PTPN9: variants seen among roughly 807,000 people sequenced by gnomAD.
PTPN9 encodes tyrosine-protein phosphatase non-receptor type 9.
In PTPN9, 26 loss-of-function variants were observed where a neutral mutation model predicts 69.8. The observed-to-expected ratio is 0.37, with a 90% CI of 0.27 to 0.52. The LOEUF (loss-of-function observed/expected upper bound fraction) is 0.52, where lower values mean the gene tolerates loss of function less well. PTPN9 is among the 20% of genes least tolerant of loss of function. PTPN9 has a pLI of 0.91. For synonymous variants in PTPN9, 274 were observed against 272.5 expected, an observed-to-expected ratio of 1.01 and a Z score of -0.05; for missense variants, 549 against 740.3, an observed-to-expected ratio of 0.74 and a Z score of 3.00.
intron 1 of PTPN9, among the ~76,000 whole-genome samples, chr15:75,567,991 G>T (rs892735595): frequency 3.6e-5 from 5 of 137,960 alleles, no homozygotes; most frequent in Non-Finnish European, 7.9e-5. Flanking sequence ...GCGAGACTCC[G>T]TCTCAAAAAA....
intron 1 of PTPN9, among the ~76,000 whole-genome samples, chr15:75,566,808 T>C (rs2141343634): frequency 6.6e-6 from 1 of 151,966 alleles, no homozygotes; most frequent in South Asian, 2.1e-4. Context: ...GGCAACATAG[T>C]GAGGTCCTAT....
intron 1 of PTPN9, among the ~76,000 whole-genome samples, chr15:75,532,016 A>G (rs2074966215): frequency 1.3e-5 from 2 of 152,166 alleles, no homozygotes; most frequent in Non-Finnish European, 1.5e-5. Context: ...AAAATAATCA[A>G]CGGATAAATC....
At chr15:75,541,347 C>CGCTGGGAT (rs1000043610) in intron 1 of PTPN9, among the ~76,000 whole-genome samples, 11 of 151,442 alleles carry the variant, frequency 7.3e-5, no homozygotes, top group South Asian at 2.1e-4. Flanking sequence ...CCTACTGAAG[C>CGCTGGGAT]GCTGGGATTA....
chr15:75,534,495 G>A (rs539134410), intron 1 of PTPN9, among the ~76,000 whole-genome samples: 2 of 152,090 alleles, frequency 1.3e-5, no homozygotes, highest in South Asian at 4.2e-4. Flanking sequence ...GCAACATGGT[G>A]AGACCCCATC....
intron 5 of PTPN9, chr15:75,513,021 G>A: frequency 2.5e-6 from 1 of 402,578 alleles, no homozygotes; most frequent in South Asian, 1.9e-5. Context: ...TTGAGGAAAG[G>A]TTTGGGATTG....
chr15:75,506,888 G>A (rs2074822518), intron 6 of PTPN9, among the ~76,000 whole-genome samples: 1 of 151,746 alleles, frequency 6.6e-6, no homozygotes, highest in Non-Finnish European at 1.5e-5. Flanking sequence ...CCTCTTCTGT[G>A]AAGTCTTTCC....
chr15:75,486,163 T>C (rs1417057160), intron 8 of PTPN9, among the ~76,000 whole-genome samples: 2 of 142,174 alleles, frequency 1.4e-5, no homozygotes, highest in African/African-American at 5.3e-5. Context: ...TGGGGGAAAA[T>C]TGGAATAGCA....
intron 1 of PTPN9, among the ~76,000 whole-genome samples, chr15:75,561,277 T>A (rs1335443501): frequency 2.6e-5 from 4 of 151,718 alleles, no homozygotes; most frequent in Admixed American, 2.6e-4. Flanking sequence ...ATCACACCAC[T>A]GTGCTCCAGC....
At chr15:75,552,794 C>T (rs113081652) in intron 1 of PTPN9, among the ~76,000 whole-genome samples, 2,770 of 147,236 alleles carry the variant, frequency 0.019, 93 homozygotes, top group African/African-American at 0.066. Context: ...AGAGAGTCAC[C>T]GGCAAACTAG....
chr15:75,558,956 C>A (rs1402387433), intron 1 of PTPN9, among the ~76,000 whole-genome samples: 1 of 152,222 alleles, frequency 6.6e-6, no homozygotes, highest in East Asian at 1.9e-4. Context: ...GCCACCCCGT[C>A]TGGGAAGTGA....
In PTPN9 at chr15:75,464,278, CTA is replaced by C. The variant is rs1491574922; in HGVS notation, c.*4489_*4490del. 1 of 150,358 alleles carries C rather than the reference CTA, an allele frequency of 6.7e-6. No homozygotes were observed. Among genetic ancestry groups the C allele is most frequent in the Non-Finnish European group, 1.5e-5 (1 of 68,156 alleles). The allele number at this position is 150,358 out of a possible 1,614,324, so 9.3% of individuals were successfully genotyped here. A position where few individuals can be genotyped will look rare whatever the true frequency, so the allele number is the denominator to read the frequency against. On this transcript the variant is annotated 3_prime_UTR_variant, in exon 13 of 13. Transcript: ENST00000618819. ...TGGGCAACATAGTGAGATCCTGTCT[CTA>C]GAGAGAGAGAGAGAAAAAAAAAAAA...
rs1460917066 is a variant in PTPN9 at position 75,481,833 on chromosome 15, G to A, written c.1063-1919C>T. On this transcript the variant is annotated intron_variant, in intron 8 of 12. Transcript: ENST00000618819. ...GCCGCCCCGTCCGGGAGGGAGGTGGGGGGGGGTCAGCGCCCCTGCCTGGCC... is the reference window on the plus strand; with the variant it reads ...GCCGCCCCGTCCGGGAGGGAGGTGGAGGGGGGTCAGCGCCCCTGCCTGGCC... Among the ~76,000 whole-genome samples, 8 of 131,978 alleles carry A rather than the reference G, an allele frequency of 6.1e-5. 1 individual carries two copies. The Admixed American group carries it at 6.1e-4, about 10-fold the overall frequency. 86.6% of individuals were successfully genotyped at this position (131,978 alleles called of 152,430 possible).
In PTPN9 at chr15:75,469,927, C is replaced by T; in HGVS notation, c.1432G>A (p.Ala478Thr). 5.6e-6 allele frequency: 9 copies of T among 1,614,212 alleles called. No individual in the cohort carries two copies. Among genetic ancestry groups the T allele is most frequent in the Non-Finnish European group, 7.6e-6 (9 of 1,180,014 alleles). The change falls in exon 12 of 13, where the codon GCT (alanine) becomes ACT (threonine). Residue 478 changes from alanine (A) to threonine (T), a missense_variant. Around this residue, in one of 3 missense-constraint regions of PTPN9, gnomAD observed 457 missense variants for 661.9 expected, o/e 0.69. Coordinates refer to ENST00000618819, the MANE Select transcript of PTPN9 (RefSeq NM_002833.4). The part of the protein sequence containing the change: ...WPDYGVPSSA[A>T]SLIDFLRVVR... ...ACTCTCAAGAAGTCAATGAGGGAAG[C>T]TGCTGAGGAAGGGACACCATAGTCT... is the stretch of plus-strand genomic sequence containing the variant.
intron 4 of PTPN9, among the ~76,000 whole-genome samples, chr15:75,518,497 GA>G (rs1462452078): frequency 2.0e-5 from 3 of 148,370 alleles, no homozygotes; most frequent in African/African-American, 5.0e-5. Context: ...GGAAAAGAAA[GA>G]AAAAAAAGTA....
intron 9 of PTPN9, 97 bp from the exon 10 acceptor site, chr15:75,473,864 C>G (rs1374038100): frequency 3.3e-6 from 3 of 904,808 alleles, no homozygotes; most frequent in Non-Finnish European, 5.4e-6. Flanking sequence ...AACTCCAAAC[C>G]ATAGATGGTT....
chr15:75,565,734 A>C (rs2075124162), intron 1 of PTPN9, among the ~76,000 whole-genome samples: 1 of 152,206 alleles, frequency 6.6e-6, no homozygotes, highest in Admixed American at 6.6e-5. Context: ...TTAGGTCATC[A>C]GATGACCTTT....
chr15:75,481,712 A>G (rs1389974618), intron 8 of PTPN9, among the ~76,000 whole-genome samples: 1 of 12,184 alleles, frequency 8.2e-5, no homozygotes, highest in African/African-American at 6.5e-4. Context: ...GGGGGGGGTC[A>G]GCCCCCCCGC....
At chr15:75,572,338 A>G (rs1389764579) in intron 1 of PTPN9, among the ~76,000 whole-genome samples, 2 of 152,088 alleles carry the variant, frequency 1.3e-5, no homozygotes, top group Non-Finnish European at 2.9e-5. Context: ...CTCAAAACAC[A>G]ATAACATAAT....
chr15:75,567,135 C>A (rs537954100), intron 1 of PTPN9, among the ~76,000 whole-genome samples: 1 of 151,664 alleles, frequency 6.6e-6, no homozygotes, highest in Admixed American at 6.6e-5. Context: ...CCTGCCTCAA[C>A]CTCTGGAGTA....
Sources: gnomAD v4.1 joint callset for allele counts (sites outside exome capture counted in the v4.1 genomes callset) on GRCh38, gnomAD v4.1.1 for gene constraint, gnomAD v4.1.1 regional missense constraint, MANE v1.5 for transcripts, NCBI Gene and HGNC (gene_info 2026-07-23, HGNC 2026-07-21) for gene names.